FAR2: variants seen among roughly 807,000 people sequenced by gnomAD.
FAR2 encodes the protein fatty acyl-CoA reductase 2.
In FAR2, 19 loss-of-function variants were observed where a neutral mutation model predicts 56.0. That is an observed-to-expected ratio of 0.34 (90% CI 0.24 to 0.50). The LOEUF is 0.50. FAR2 is among the 20% of genes least tolerant of loss of function. FAR2 has a pLI of 0.98. For missense variants in FAR2, 508 were observed against 642.2 expected (o/e 0.79, Z 2.26); for synonymous variants, 219 against 218.8 (o/e 1.00, Z -0.01).
At chr12:29,214,921 G>A (rs1947603386) in intron 1 of FAR2, among the ~76,000 whole-genome samples, 1 of 152,028 alleles carries the variant, frequency 6.6e-6, no homozygotes, top group African/African-American at 2.4e-5. Context: ...AGATTAGTGG[G>A]TGGCTAGAGA....
chr12:29,161,620 TTTG>T (rs1279005778), intron 1 of FAR2, among the ~76,000 whole-genome samples: 4 of 152,174 alleles, frequency 2.6e-5, no homozygotes, highest in African/African-American at 9.7e-5. Flanking sequence ...GAGAATGTCT[TTTG>T]TTAAACATAC....
intron 3 of FAR2, among the ~76,000 whole-genome samples, chr12:29,295,494 T>C (rs915241814): frequency 7.9e-5 from 12 of 152,222 alleles, no homozygotes; most frequent in African/African-American, 2.9e-4. Flanking sequence ...TTACCTTGCA[T>C]ATGTAGAATA....
intron 1 of FAR2, among the ~76,000 whole-genome samples, chr12:29,228,686 C>T (rs1947806907): frequency 6.6e-6 from 1 of 152,188 alleles, no homozygotes; most frequent in Non-Finnish European, 1.5e-5. Context: ...CTCCTGGGTT[C>T]AAGCCATTCT....
At chr12:29,284,902 C>T (rs562866640) in intron 2 of FAR2, among the ~76,000 whole-genome samples, 5 of 152,214 alleles carry the variant, frequency 3.3e-5, no homozygotes, top group Non-Finnish European at 7.4e-5. Context: ...AGTGCAGTGG[C>T]GCGATCTCGG....
intron 4 of FAR2, among the ~76,000 whole-genome samples, chr12:29,307,151 G>A (rs1314879148): frequency 6.6e-6 from 1 of 152,156 alleles, no homozygotes; most frequent in African/African-American, 2.4e-5. Context: ...ACACTACTGG[G>A]AGAATGACTG....
rs553361100 is a variant in FAR2 at position 29,239,758 on chromosome 12, A to G, written c.-38-30654A>G. Among the ~76,000 whole-genome samples, 176 of 152,332 alleles carry G rather than the reference A, an allele frequency of 1.2e-3. 3 individuals carry two copies. The South Asian group carries it at 0.036, about 31-fold the overall frequency. ...TTAAAATCTGGCAAATCCTTTATAT[A>G]TATGAACTCAGGTTTTGAAAATTCT... On this transcript the variant is annotated intron_variant, in intron 1 of 11. Coordinates refer to ENST00000536681, the MANE Select transcript of FAR2 (RefSeq NM_001271783.2).
At chr12:29,291,351 G>A (rs7972032) in intron 2 of FAR2, 216,899 of 455,364 alleles carry the variant, frequency 0.48, 52,912 homozygotes, top group East Asian at 0.62. Context: ...TACTGAGCCA[G>A]GGTCTCTGAG....
chr12:29,214,280 A>C (rs773380309), intron 1 of FAR2, among the ~76,000 whole-genome samples: 2 of 152,234 alleles, frequency 1.3e-5, no homozygotes, highest in Non-Finnish European at 2.9e-5. Flanking sequence ...GACTTCAGGC[A>C]TATAAAGTAG....
At chr12:29,191,225 C>T (rs1388434342) in intron 1 of FAR2, among the ~76,000 whole-genome samples, 1 of 152,220 alleles carries the variant, frequency 6.6e-6, no homozygotes, top group Non-Finnish European at 1.5e-5. Context: ...ATAAACAGGC[C>T]AGATCTCCAA....
intron 3 of FAR2, 141 bp downstream of exon 3, chr12:29,293,616 T>A: frequency 1.5e-6 from 1 of 654,298 alleles, no homozygotes; most frequent in Non-Finnish European, 2.3e-6. Context: ...TCCCACCATC[T>A]AGAAACAACC....
At chr12:29,228,358 A>ACT (rs77990048) in intron 1 of FAR2, among the ~76,000 whole-genome samples, 94,115 of 151,664 alleles carry the variant, frequency 0.62, 29,308 homozygotes, top group East Asian at 0.69. Flanking sequence ...GGAAAATGGC[A>ACT]CTCTTTCTTA....
At chr12:29,171,572 G>A (rs11050096) in intron 1 of FAR2, 10,644 of 149,056 alleles carry the variant, frequency 0.071, 486 homozygotes, top group East Asian at 0.15. Flanking sequence ...CCCAGCTGCC[G>A]CCCCATCTGG....
At chr12:29,313,000 A>G (rs184399918) in intron 8 of FAR2, among the ~76,000 whole-genome samples, 1 of 152,248 alleles carries the variant, frequency 6.6e-6, no homozygotes, top group East Asian at 1.9e-4. Context: ...CTGATACAAC[A>G]TTGTTTCTTC....
chr12:29,310,893 G>A, intron 6 of FAR2, 135 bp from the exon 7 acceptor site: 1 of 676,844 alleles, frequency 1.5e-6, no homozygotes, highest in Non-Finnish European at 2.6e-6. Context: ...CTTAGCATAA[G>A]AACCTGGTAA....
intron 1 of FAR2, chr12:29,156,703 T>G (rs1949730327): frequency 6.6e-6 from 1 of 152,132 alleles, no homozygotes; most frequent in Admixed American, 6.6e-5. Context: ...GGTGACAGCC[T>G]CAATTTTGGG....
chr12:29,166,635 C>T (rs534726703), intron 1 of FAR2, among the ~76,000 whole-genome samples: 12 of 152,338 alleles, frequency 7.9e-5, no homozygotes, highest in Admixed American at 7.2e-4. Flanking sequence ...ACATTCAGCA[C>T]TCTGATGCTT....
intron 1 of FAR2, among the ~76,000 whole-genome samples, chr12:29,186,979 G>C (rs978717028): frequency 6.6e-6 from 1 of 151,880 alleles, no homozygotes; most frequent in African/African-American, 2.4e-5. Flanking sequence ...TAGTAGAGAC[G>C]GGGTTTCACC....
At chr12:29,257,694 C>T (rs568478539) in intron 1 of FAR2, among the ~76,000 whole-genome samples, 1 of 152,094 alleles carries the variant, frequency 6.6e-6, no homozygotes, top group African/African-American at 2.4e-5. Context: ...GTAACACTCA[C>T]CTCGAAGGTC....
Position 29,334,005 on chromosome 12 carries a change from A to G in FAR2, c.*211A>G. ...GCCCATAGTCACCTATATTTTAGGG[A>G]AAAAAATCCAAATTGTTTCCTAACA... On this transcript the variant is annotated 3_prime_UTR_variant, in exon 12 of 12. Coordinates refer to ENST00000536681, the MANE Select transcript of FAR2 (RefSeq NM_001271783.2). The G allele has an allele frequency of 7.3e-6, 3 of 409,334 alleles. No individual in the cohort carries two copies. The highest frequency in any genetic ancestry group is 7.7e-5 in the East Asian group (2 of 25,834). 25.4% of individuals were successfully genotyped at this position (409,334 alleles called of 1,614,324 possible).
Sources: gnomAD v4.1 joint callset for allele counts (sites outside exome capture counted in the v4.1 genomes callset) on GRCh38, gnomAD v4.1.1 for gene constraint, MANE v1.5 for transcripts, NCBI Gene and HGNC (gene_info 2026-07-23, HGNC 2026-07-21) for gene names.